The following MUC17 variants were observed in gnomAD, a reference collection of about 807,000 sequenced individuals.
MUC17 encodes the protein mucin-17.
A neutral mutation model predicts 170.3 loss-of-function variants in MUC17; 190 were observed. That is an observed-to-expected ratio of 1.12 (90% CI 0.99 to 1.26). The LOEUF (loss-of-function observed/expected upper bound fraction) is 1.26. MUC17 is among the 50% of genes most tolerant of loss of function. The pLI is 0.00. For synonymous variants in MUC17, 2,325 were observed against 2,002.5 expected, an observed-to-expected ratio of 1.16 and a Z score of -4.30; for missense variants, 6,415 against 5,530.0, an observed-to-expected ratio of 1.16 and a Z score of -5.08.
At position 101,041,231 on chromosome 7, in the gene MUC17, C is replaced by T; in HGVS notation, c.9815C>T (p.Pro3272Leu). The part of the protein sequence containing the change: ...SPPTAEGTSM[P>L]TSTPSEGSTP... ...CCCACTGCTGAAGGTACCAGCATGCCAACCTCAACTCCTAGTGAAGGAAGC... is the reference window on the plus strand; with the variant it reads ...CCCACTGCTGAAGGTACCAGCATGCTAACCTCAACTCCTAGTGAAGGAAGC... The change falls in exon 3 of 13, where the codon CCA (proline) becomes CTA (leucine). Residue 3272 changes from proline to leucine, a missense_variant. Transcript: ENST00000306151. The T allele has an allele frequency of 6.2e-7, 1 of 1,613,362 alleles. No individual in the cohort carries two copies. Among genetic ancestry groups the T allele is most frequent in the South Asian group, 1.1e-5 (1 of 90,998 alleles).
rs371476183 is a variant in MUC17 at position 101,037,767 on chromosome 7, T to A, written c.6351T>A (p.Pro2117=). ...IPLSTTPVAS[P]EASTLSTTPV... ...TCAGCACCACGCCGGTGGCCAGTCC[T>A]GAGGCTAGCACCCTTTCAACAACTC... The change falls in exon 3 of 13, where the codon CCT becomes CCA. Residue 2117 remains proline (P), a synonymous_variant. Transcript: ENST00000306151. The A allele has an allele frequency of 6.2e-6, 10 of 1,613,428 alleles. No individual in the cohort carries two copies. Among genetic ancestry groups the A allele is most frequent in the South Asian group, 2.2e-5 (2 of 90,988 alleles).
rs1204571426 is a variant in MUC17, at chr7:101,032,569, A to G, written c.1153A>G (p.Thr385Ala). 5.6e-6 allele frequency: 9 copies of G among 1,613,862 alleles called. No homozygotes were observed. In the South Asian group the frequency reaches 8.8e-5, roughly 16 times the overall value. Residue 385 changes from threonine (T) to alanine (A), a missense_variant, in exon 3 of 13, where the codon ACC becomes GCC. By Grantham distance (58) the Thr-to-Ala change is moderately conservative. Transcript: ENST00000306151. ...AACTGCTGAAGCTACCAGCATGCTA[A>G]CCTCAACTCTTAGTGAAGGAAGCAC... ...PTTAEATSML[T>A]STLSEGSTPL...
rs1330131397 is a variant in MUC17, at chr7:101,042,682, A to C, written c.11266A>C (p.Thr3756Pro). ...SMPMEISTLGTTILVSTTPVT... is the reference protein window; with the variant it reads ...SMPMEISTLGPTILVSTTPVT... ...GCCCATGGAAATAAGCACCCTTGGG[A>C]CCACTATTCTTGTCAGTACCACACC... Residue 3756 changes from threonine (T) to proline (P), a missense_variant, in exon 3 of 13, where the codon ACC becomes CCC. Coordinates refer to ENST00000306151, the MANE Select transcript of MUC17 (RefSeq NM_001040105.2). The C allele has an allele frequency of 6.2e-7, 1 of 1,613,860 alleles. No homozygotes were observed. The highest frequency in any genetic ancestry group is 8.5e-7 in the Non-Finnish European group (1 of 1,180,020).
At position 101,042,162 on chromosome 7, in the gene MUC17, C is replaced by A. The variant is rs764510968; in HGVS notation, c.10746C>A (p.Leu3582=). 2 of 1,613,742 alleles carry A rather than the reference C, an allele frequency of 1.2e-6. No homozygotes were observed. The highest frequency in any genetic ancestry group is 1.7e-6 in the Non-Finnish European group (2 of 1,179,928). Residue 3582 remains leucine (L), a synonymous_variant, in exon 3 of 13, where the codon CTC becomes CTA. Coordinates refer to ENST00000306151, the MANE Select transcript of MUC17 (RefSeq NM_001040105.2). ...SEGSSSLTTM[L]LSSTYVTSSE... ...GAAGCTCTTCATTAACAACTATGCT[C>A]CTCAGCAGCACATATGTGACCAGTT...
In MUC17 at chr7:101,037,225, ACAGTGGC is replaced by A; in HGVS notation, c.5814_5820del (p.Ala1939LeufsTer17). On this transcript the variant is annotated frameshift_variant, in exon 3 of 13. Transcript: ENST00000306151. LOFTEE classifies it high-confidence loss of function. ...AACAAGTATACCTGTCAGCACCACA[ACAGTGGC>A]CAGTTCTGAAATCAACACCCTTTCA... 1 of 1,611,092 alleles carries A rather than the reference ACAGTGGC, an allele frequency of 6.2e-7. No individual in the cohort carries two copies. Among genetic ancestry groups the A allele is most frequent in the Non-Finnish European group, 8.5e-7 (1 of 1,178,388 alleles).
Position 101,039,101 on chromosome 7 carries a change from C to G in MUC17, c.7685C>G (p.Thr2562Ser), listed in dbSNP as rs567486342. The stretch of plus-strand genomic sequence containing the variant: ...TCATCTGCTACATCCGCTGAAGGTA[C>G]CAGCATGCCTACCTCAACTTATAGT... ...ISSSATSAEG[T>S]SMPTSTYSEG... The change falls in exon 3 of 13, where the codon ACC (threonine) becomes AGC (serine). Residue 2562 changes from threonine (T) to serine (S), a missense_variant. Thr to Ser is a moderately conservative substitution (Grantham distance 58, BLOSUM62 1). Coordinates refer to ENST00000306151, the MANE Select transcript of MUC17 (RefSeq NM_001040105.2). 4.3e-6 allele frequency: 7 copies of G among 1,613,342 alleles called. No homozygotes were observed. In the East Asian group the frequency reaches 1.3e-4, roughly 31 times the overall value.
In MUC17 at chr7:101,039,318, A is replaced by G; in HGVS notation, c.7902A>G (p.Ser2634=). ...CAACTCCTAGTGAAGTAAGTACTTC[A>G]TTAACAAGTATACTTGTCAGCACCA... ...PISTPSEVST[S]LTSILVSTMP... Residue 2634 remains serine, a synonymous_variant, in exon 3 of 13, where the codon TCA becomes TCG. Coordinates refer to ENST00000306151, the MANE Select transcript of MUC17 (RefSeq NM_001040105.2). The G allele has an allele frequency of 6.2e-7, 1 of 1,613,276 alleles. No individual in the cohort carries two copies. The highest frequency in any genetic ancestry group is 8.5e-7 in the Non-Finnish European group (1 of 1,179,582).
chr7:101,025,085 C>T (rs768975584), intron 1 of MUC17, among the ~76,000 whole-genome samples: 27 of 151,988 alleles, frequency 1.8e-4, no homozygotes, highest in Non-Finnish European at 3.5e-4. Context: ...ATTAGAGGAC[C>T]AGGCATGGGT....
intron 3 of MUC17, among the ~76,000 whole-genome samples, chr7:101,046,020 G>A (rs1794834208): frequency 6.6e-6 from 1 of 152,206 alleles, no homozygotes; most frequent in Non-Finnish European, 1.5e-5. Context: ...TGACTAGCCT[G>A]TGTTTTGGCA....
rs770594784 is a variant in MUC17 at position 101,048,882 on chromosome 7, TGTGACA to T, written c.12579_12584del (p.Val4194_Thr4195del). Reference sequence around the variant, plus strand: ...CTATCTCTGCCCAAATGGAACTGACTGTGACAGTGACCAGTGTGAAGTTCACCGAAG... The same window carrying T: ...CTATCTCTGCCCAAATGGAACTGACTGTGACCAGTGTGAAGTTCACCGAAG... On this transcript the variant is annotated inframe_deletion, in exon 5 of 13. Transcript: ENST00000306151. 6.2e-7 allele frequency: 1 copy of T among 1,614,078 alleles called. No individual in the cohort carries two copies. Among genetic ancestry groups the T allele is most frequent in the East Asian group, 2.2e-5 (1 of 44,878 alleles).
chr7:101,033,543 A>C lies in MUC17; in HGVS notation c.2127A>C (p.Ser709=). Residue 709 remains serine (S), a synonymous_variant, in exon 3 of 13, where the codon TCA becomes TCC. Coordinates refer to ENST00000306151, the MANE Select transcript of MUC17 (RefSeq NM_001040105.2). ...CCAGTTCTGAGGCTAGCACCCTTTC[A>C]ACAACTCCTGTTGACACCAGCACAC... The part of the protein sequence containing the change: ...LVASSEASTL[S]TTPVDTSTPV... 1.2e-6 allele frequency: 2 copies of C among 1,614,104 alleles called. No homozygotes were observed. The highest frequency in any genetic ancestry group is 1.7e-6 in the Non-Finnish European group (2 of 1,180,004).
chr7:101,052,228 T>C (rs372436027), intron 9 of MUC17, among the ~76,000 whole-genome samples: 2 of 152,168 alleles, frequency 1.3e-5, no homozygotes, highest in African/African-American at 4.8e-5. Flanking sequence ...CCTGGGAAGG[T>C]TGTCCGACTG....
rs1342654897 is a variant in MUC17 at position 101,037,464 on chromosome 7, C to T, written c.6048C>T (p.Ala2016=). ...STTPVDTSTP[A]TTSTEGSSSP... ...CTCCTGTTGACACCAGCACTCCTGCCACCACTTCTACTGAAGGCAGTTCAT... is the reference window on the plus strand; with the variant it reads ...CTCCTGTTGACACCAGCACTCCTGCTACCACTTCTACTGAAGGCAGTTCAT... Residue 2016 remains alanine (A), a synonymous_variant, in exon 3 of 13, where the codon GCC becomes GCT. Transcript: ENST00000306151. The T allele has an allele frequency of 1.2e-6, 2 of 1,608,716 alleles. No individual in the cohort carries two copies. Among genetic ancestry groups the T allele is most frequent in the Non-Finnish European group, 1.7e-6 (2 of 1,177,516 alleles).
Position 101,040,922 on chromosome 7 carries a change from T to C in MUC17, c.9506T>C (p.Met3169Thr). The C allele has an allele frequency of 6.2e-7, 1 of 1,613,492 alleles. No homozygotes were observed. Among genetic ancestry groups the C allele is most frequent in the South Asian group, 1.1e-5 (1 of 91,044 alleles). Reference sequence around the variant, plus strand: ...GAAGGAAGTACTCCATTAACATATATGCCTGTCAGCACCATGCTGGTAGTC... The same window carrying C: ...GAAGGAAGTACTCCATTAACATATACGCCTGTCAGCACCATGCTGGTAGTC... ...PSEGSTPLTY[M>T]PVSTMLVVSS... The change falls in exon 3 of 13, where the codon ATG becomes ACG. Residue 3169 changes from methionine (M) to threonine (T), a missense_variant. Physicochemically the swap from Met to Thr is moderately conservative, Grantham distance 81 (BLOSUM62 -1). Transcript: ENST00000306151.
Position 101,051,812 on chromosome 7 carries a change from G to A in MUC17, c.12953G>A (p.Arg4318Gln), listed in dbSNP as rs184289804. The change falls in exon 9 of 13, where the codon CGG (arginine) becomes CAG (glutamine). Residue 4318 changes from arginine (R) to glutamine (Q), a missense_variant. Physicochemically the swap from Arg to Gln is conservative, Grantham distance 43. Coordinates refer to ENST00000306151, the MANE Select transcript of MUC17 (RefSeq NM_001040105.2). ...VTQYDPEEDC[R>Q]KMAKEYGDYF... Reference sequence around the variant, plus strand: ...CTGCACCCCCCACCAGAGGACTGCCGGAAGATGGCCAAGGAATATGGAGAC... The same window carrying A: ...CTGCACCCCCCACCAGAGGACTGCCAGAAGATGGCCAAGGAATATGGAGAC... 13 of 1,613,450 alleles carry A rather than the reference G, an allele frequency of 8.1e-6. No individual in the cohort carries two copies. Among genetic ancestry groups the A allele is most frequent in the South Asian group, 5.5e-5 (5 of 91,028 alleles).
In MUC17 at chr7:101,035,721, A is replaced by G. The variant is rs1794451553; in HGVS notation, c.4305A>G (p.Ser1435=). 4.3e-6 allele frequency: 7 copies of G among 1,609,370 alleles called. No individual in the cohort carries two copies. The highest frequency in any genetic ancestry group is 1.1e-5 in the South Asian group (1 of 90,450). ...GGACCACTTCTGCTGAAGCCACTTC[A>G]TCTCCTACAACTGCTGAAGGTATCA... ...TPGTTSAEAT[S]SPTTAEGISI... Residue 1435 remains serine, a synonymous_variant, in exon 3 of 13, where the codon TCA becomes TCG. Coordinates refer to ENST00000306151, the MANE Select transcript of MUC17 (RefSeq NM_001040105.2).
At position 101,038,912 on chromosome 7, in the gene MUC17, C is replaced by T. The variant is rs745739331; in HGVS notation, c.7496C>T (p.Thr2499Ile). 9.3e-6 allele frequency: 15 copies of T among 1,613,936 alleles called. No individual in the cohort carries two copies. The highest frequency in any genetic ancestry group is 3.3e-4 in the Middle Eastern group (2 of 6,084). ...TSTEASSSPTTAEDIVVPIST... is the reference protein window; with the variant it reads ...TSTEASSSPTIAEDIVVPIST... The stretch of plus-strand genomic sequence containing the variant: ...ACTGAAGCCAGTTCATCTCCTACAA[C>T]TGCTGAAGATATCGTCGTGCCAATC... Residue 2499 changes from threonine (T) to isoleucine (I), a missense_variant, in exon 3 of 13, where the codon ACT becomes ATT. Physicochemically the swap from Thr to Ile is moderately conservative, Grantham distance 89 (BLOSUM62 -1). Transcript: ENST00000306151.
intron 1 of MUC17, among the ~76,000 whole-genome samples, chr7:101,022,789 C>A (rs1479877454): frequency 6.6e-6 from 1 of 152,014 alleles, no homozygotes; most frequent in African/African-American, 2.4e-5. Flanking sequence ...GCACTCCAGC[C>A]TGGATGACAG....
At chr7:101,027,927 A>T (rs1794209479) in intron 1 of MUC17, among the ~76,000 whole-genome samples, 1 of 151,624 alleles carries the variant, frequency 6.6e-6, no homozygotes, top group South Asian at 2.1e-4. Context: ...GCATGCCATG[A>T]TGCCCAGCAA....
Sources: gnomAD v4.1 joint callset for allele counts (sites outside exome capture counted in the v4.1 genomes callset) on GRCh38, gnomAD v4.1.1 for gene constraint, MANE v1.5 for transcripts, NCBI Gene and HGNC (gene_info 2026-07-23, HGNC 2026-07-21) for gene names.